The following MFSD6 variants were observed in gnomAD, a reference collection of about 807,000 sequenced individuals.
MFSD6 encodes the protein major facilitator superfamily domain containing 6, also known as major facilitator superfamily domain-containing protein 6.
In MFSD6, 26 loss-of-function variants were observed where a neutral mutation model predicts 56.3. The observed-to-expected ratio is 0.46, with a 90% CI of 0.34 to 0.64. The LOEUF (loss-of-function observed/expected upper bound fraction) is 0.64. Ranked by LOEUF, MFSD6 falls within the 30% of genes least tolerant of loss-of-function variation. The pLI, the probability that MFSD6 is intolerant of heterozygous loss-of-function variation, is 0.01. For synonymous variants in MFSD6, 331 were observed against 366.9 expected (o/e 0.90, Z 1.12); for missense variants, 750 against 986.2 (o/e 0.76, Z 3.21).
intron 1 of MFSD6, chr2:190,411,461 A>G: frequency 1.0e-6 from 1 of 985,314 alleles, no homozygotes; most frequent in Non-Finnish European, 1.2e-6. Context: ...CCCAGCCGAC[A>G]GTGGCTATCT....
At chr2:190,409,128 C>T (rs1690447711) in intron 1 of MFSD6, among the ~76,000 whole-genome samples, 1 of 152,302 alleles carries the variant, frequency 6.6e-6, no homozygotes, top group South Asian at 2.1e-4. Context: ...TCCCCCACCT[C>T]GTGCTTTACT....
rs1024710744 is a variant in MFSD6, at chr2:190,426,634, C to T, written c.-53-9343C>T. On this transcript the variant is annotated intron_variant, in intron 2 of 7. Coordinates refer to ENST00000392328, the MANE Select transcript of MFSD6 (RefSeq NM_017694.4). This position sits in a 1 kb window ranked among gnomAD's most constrained non-coding sequence, Gnocchi z 4.7. ...TTTCAGCCCTCATCCCCCTCCCATT[C>T]TCCCCACTTTTGGAGTCCCCAGTGT... Among the ~76,000 whole-genome samples, 2 of 152,292 alleles carry T rather than the reference C, an allele frequency of 1.3e-5. No individual in the cohort carries two copies. The highest frequency in any genetic ancestry group is 4.8e-5 in the African/African-American group (2 of 41,552).
In MFSD6 at chr2:190,482,508, T is replaced by C. The variant is rs995877561; in HGVS notation, c.1631-6149T>C. 3.3e-5 allele frequency among the ~76,000 whole-genome samples: 5 copies of C among 152,074 alleles called. No homozygotes were observed. The East Asian group carries it at 9.6e-4, about 29-fold the overall frequency. The stretch of plus-strand genomic sequence containing the variant: ...TGTGCCAATGCTAAAGGGATAGTTA[T>C]GTTTTGTTCAGTAAGCTTAAGTCAG... On this transcript the variant is annotated intron_variant, in intron 4 of 7. Transcript: ENST00000392328.
In MFSD6 at chr2:190,436,546, A is replaced by G. The variant is rs1220589301; in HGVS notation, c.517A>G (p.Ser173Gly). ...CCCAACAACTCACCCCACCAATGCAAGTCACCAGTTAACTATCCTGCCAAC... is the reference window on the plus strand; with the variant it reads ...CCCAACAACTCACCCCACCAATGCAGGTCACCAGTTAACTATCCTGCCAAC... ...IRPTTHPTNA[S>G]HQLTILPTNS... The change falls in exon 3 of 8, where the codon AGT (serine) becomes GGT (glycine). Residue 173 changes from serine (S) to glycine (G), a missense_variant. Around this residue, in one of 5 missense-constraint regions of MFSD6, gnomAD observed 376 missense variants for 437.9 expected, o/e 0.86. Transcript: ENST00000392328. This position sits in a 1 kb window ranked among gnomAD's most constrained non-coding sequence, Gnocchi z 5.3. The G allele has an allele frequency of 1.2e-6, 2 of 1,614,104 alleles. No homozygotes were observed. The highest frequency in any genetic ancestry group is 1.3e-5 in the African/African-American group (1 of 74,936).
chr2:190,453,502 G>A (rs1391336335), intron 3 of MFSD6, among the ~76,000 whole-genome samples: 1 of 152,136 alleles, frequency 6.6e-6, no homozygotes, highest in Non-Finnish European at 1.5e-5. Flanking sequence ...ATCCATTTTG[G>A]GAACTCTTCA....
rs540720024 is a variant in MFSD6, at chr2:190,463,456, C to T, written c.1533-6302C>T. On this transcript the variant is annotated intron_variant, in intron 3 of 7. Coordinates refer to ENST00000392328, the MANE Select transcript of MFSD6 (RefSeq NM_017694.4). This position sits in a 1 kb window ranked among gnomAD's most constrained non-coding sequence, Gnocchi z 4.4. ...CAGCTGATGTCTGCCACTCTGCCTA[C>T]TCTAGGAAGACATCTATAACAATTC... 6.6e-6 allele frequency among the ~76,000 whole-genome samples: 1 copy of T among 152,080 alleles called. No individual in the cohort carries two copies. Among genetic ancestry groups the T allele is most frequent in the Admixed American group, 6.6e-5 (1 of 15,264 alleles).
Position 190,443,930 on chromosome 2 carries a change from T to C in MFSD6, c.1532+6369T>C, listed in dbSNP as rs554517940. On this transcript the variant is annotated intron_variant, in intron 3 of 7. Coordinates refer to ENST00000392328, the MANE Select transcript of MFSD6 (RefSeq NM_017694.4). The surrounding 1 kb of genome is among the most constrained non-coding windows in gnomAD (Gnocchi z 4.2). ...AGCTGGGCATGGTGTCACACGCCTG[T>C]AGTCCCAGTTACTTGGGAGCCTGAG... Among the ~76,000 whole-genome samples the C allele has an allele frequency of 1.3e-5, 2 of 152,230 alleles. No homozygotes were observed. The highest frequency in any genetic ancestry group is 4.2e-4 in the South Asian group (2 of 4,814).
In MFSD6 at chr2:190,458,457, T is replaced by G. The variant is rs983408973; in HGVS notation, c.1533-11301T>G. ...GAAACCAACATTGCCAACACCTTGA[T>G]TTTGGACTTTTGGCTCCCAGAACTG... is the stretch of plus-strand genomic sequence containing the variant. On this transcript the variant is annotated intron_variant, in intron 3 of 7. Coordinates refer to ENST00000392328, the MANE Select transcript of MFSD6 (RefSeq NM_017694.4). The surrounding 1 kb of genome is among the most constrained non-coding windows in gnomAD (Gnocchi z 5.3). 8.4e-5 allele frequency among the ~76,000 whole-genome samples: 10 copies of G among 118,580 alleles called. No homozygotes were observed. In the South Asian group the frequency reaches 2.1e-3, roughly 25 times the overall value. The allele number at this position is 118,580 out of a possible 152,430, so 77.8% of individuals were successfully genotyped here.
chr2:190,420,785 G>T (rs1370050213), intron 2 of MFSD6, among the ~76,000 whole-genome samples: 1 of 151,756 alleles, frequency 6.6e-6, no homozygotes, highest in Non-Finnish European at 1.5e-5. Flanking sequence ...CCATGTTTTG[G>T]TTCCTTTTTA....
intron 4 of MFSD6, among the ~76,000 whole-genome samples, chr2:190,479,663 A>G (rs2125194241): frequency 6.6e-6 from 1 of 152,326 alleles, no homozygotes; most frequent in African/African-American, 2.4e-5. Context: ...CTGAGCAAGA[A>G]TCAGAATTAT....
Position 190,456,832 on chromosome 2 carries a change from T to G in MFSD6, c.1533-12926T>G, listed in dbSNP as rs537552335. ...CAGCAGAAATGATCTTTCAGCGCAT[T>G]TCTTCTCATAACACAGAATTTTGCT... On this transcript the variant is annotated intron_variant, in intron 3 of 7. Coordinates refer to ENST00000392328, the MANE Select transcript of MFSD6 (RefSeq NM_017694.4). The surrounding 1 kb of genome is among the most constrained non-coding windows in gnomAD (Gnocchi z 5.4). 1.2e-4 allele frequency among the ~76,000 whole-genome samples: 19 copies of G among 152,326 alleles called. No individual in the cohort carries two copies. The highest frequency in any genetic ancestry group is 2.5e-4 in the Non-Finnish European group (17 of 68,026).
chr2:190,482,868 C>CTTT lies in MFSD6; in HGVS notation c.1631-5756_1631-5754dup, dbSNP rs199927176. Among the ~76,000 whole-genome samples the CTTT allele has an allele frequency of 1.3e-3, 65 of 48,270 alleles. 14 individuals are homozygous for CTTT. The highest frequency in any genetic ancestry group is 5.6e-3 in the African/African-American group (62 of 11,018). The allele number at this position is 48,270 out of a possible 152,430, so 31.7% of individuals were successfully genotyped here. A position where few individuals can be genotyped will look rare whatever the true frequency, so the allele number is the denominator to read the frequency against. ...GGAGAAGAGTTATTAAGACTATCAT[C>CTTT]TTTTTTTTTTTTTTTTTTTTTTTTT... On this transcript the variant is annotated intron_variant, in intron 4 of 7. Coordinates refer to ENST00000392328, the MANE Select transcript of MFSD6 (RefSeq NM_017694.4).
rs1686226552 is a variant in MFSD6, at chr2:190,437,704, T to G, written c.1532+143T>G. ...GTGGAAATGGGGATTTCTGTTTCTT[T>G]TCCTCCTTAAAATAGAAACAAAGGA... is the stretch of plus-strand genomic sequence containing the variant. On this transcript the variant is annotated intron_variant, in intron 3 of 7. Coordinates refer to ENST00000392328, the MANE Select transcript of MFSD6 (RefSeq NM_017694.4). This position sits in a 1 kb window ranked among gnomAD's most constrained non-coding sequence, Gnocchi z 5.9. 1.9e-6 allele frequency: 2 copies of G among 1,037,870 alleles called. No homozygotes were observed. Among genetic ancestry groups the G allele is most frequent in the East Asian group, 5.2e-5 (2 of 38,420 alleles). The allele number at this position is 1,037,870 out of a possible 1,614,324, so 64.3% of individuals were successfully genotyped here.
At position 190,471,573 on chromosome 2, in the gene MFSD6, A is replaced by G. The variant is rs960754199; in HGVS notation, c.1630+1718A>G. Among the ~76,000 whole-genome samples, 1 of 152,208 alleles carries G rather than the reference A, an allele frequency of 6.6e-6. No individual in the cohort carries two copies. The highest frequency in any genetic ancestry group is 1.5e-5 in the Non-Finnish European group (1 of 68,032). On this transcript the variant is annotated intron_variant, in intron 4 of 7. Transcript: ENST00000392328. This position sits in a 1 kb window ranked among gnomAD's most constrained non-coding sequence, Gnocchi z 4.7. ...CACCCGCCATTGCTGAGGCTTGAGTAGGTAAACAAAGCAGCGGCTGGGAAG... is the reference window on the plus strand; with the variant it reads ...CACCCGCCATTGCTGAGGCTTGAGTGGGTAAACAAAGCAGCGGCTGGGAAG...
chr2:190,480,015 C>T (rs763249817), intron 4 of MFSD6, among the ~76,000 whole-genome samples: 2 of 152,120 alleles, frequency 1.3e-5, no homozygotes, highest in Non-Finnish European at 2.9e-5. Flanking sequence ...ATTTAAAAAT[C>T]AGCTAGGCAT....
chr2:190,426,878 C>T lies in MFSD6; in HGVS notation c.-53-9099C>T, dbSNP rs1377541721. 6.6e-6 allele frequency among the ~76,000 whole-genome samples: 1 copy of T among 152,234 alleles called. No homozygotes were observed. The highest frequency in any genetic ancestry group is 2.4e-5 in the African/African-American group (1 of 41,458). On this transcript the variant is annotated intron_variant, in intron 2 of 7. Coordinates refer to ENST00000392328, the MANE Select transcript of MFSD6 (RefSeq NM_017694.4). The surrounding 1 kb of genome is among the most constrained non-coding windows in gnomAD (Gnocchi z 4.7). Reference sequence around the variant, plus strand: ...CTTTAGCTGACTTTTTCTGAAACTGCTCTGGCAAGAGAAGGGAGGATGCTG... The same window carrying T: ...CTTTAGCTGACTTTTTCTGAAACTGTTCTGGCAAGAGAAGGGAGGATGCTG...
chr2:190,474,531 C>T (rs565939950), intron 4 of MFSD6, among the ~76,000 whole-genome samples: 7 of 152,174 alleles, frequency 4.6e-5, no homozygotes, highest in Non-Finnish European at 2.9e-5. Flanking sequence ...AGTTGAATCT[C>T]TGAATAGACC....
Position 190,490,726 on chromosome 2 carries a change from A to G in MFSD6, c.1891+860A>G, listed in dbSNP as rs984335632. On this transcript the variant is annotated intron_variant, in intron 6 of 7. Coordinates refer to ENST00000392328, the MANE Select transcript of MFSD6 (RefSeq NM_017694.4). This position sits in a 1 kb window ranked among gnomAD's most constrained non-coding sequence, Gnocchi z 4.5. ...GACTCAACTTTTTATGAAAAAGGTCAACCAGGAGGATGAAAATATTTTTGC... is the reference window on the plus strand; with the variant it reads ...GACTCAACTTTTTATGAAAAAGGTCGACCAGGAGGATGAAAATATTTTTGC... Among the ~76,000 whole-genome samples, 11 of 152,352 alleles carry G rather than the reference A, an allele frequency of 7.2e-5. No homozygotes were observed. Among genetic ancestry groups the G allele is most frequent in the Non-Finnish European group, 8.8e-5 (6 of 68,042 alleles).
At chr2:190,476,418 G>C (rs577353222) in intron 4 of MFSD6, among the ~76,000 whole-genome samples, 2 of 152,320 alleles carry the variant, frequency 1.3e-5, no homozygotes, top group East Asian at 3.9e-4. Flanking sequence ...CTTCTCAAAA[G>C]AAGACATTTA....
Sources: gnomAD v4.1 joint callset for allele counts (sites outside exome capture counted in the v4.1 genomes callset) on GRCh38, gnomAD v4.1.1 for gene constraint, gnomAD v4.1.1 regional missense constraint, Gnocchi (gnomAD v3.1) non-coding constraint, MANE v1.5 for transcripts, NCBI Gene and HGNC (gene_info 2026-07-23, HGNC 2026-07-21) for gene names.